The following HECW1 variants were observed in gnomAD, a reference collection of about 807,000 sequenced individuals.
HECW1 encodes the protein HECT, C2 and WW domain containing E3 ubiquitin protein ligase 1.
Under a neutral mutation model 182.3 loss-of-function variants are expected in HECW1, and 61 were observed. The observed-to-expected ratio is 0.33, with a 90% confidence interval of 0.27 to 0.41. HECW1 has a LOEUF of 0.41. HECW1 is among the 10% of genes least tolerant of loss of function. The probability of loss-of-function intolerance (pLI) is 1.00; values close to 1 mark genes in which losing one functional copy is unlikely to be tolerated. For synonymous variants in HECW1, 859 were observed against 832.6 expected, an observed-to-expected ratio of 1.03 and a Z score of -0.55; for missense variants, 1,739 against 2,108.9, an observed-to-expected ratio of 0.82 and a Z score of 3.44.
intron 29 of HECW1, among the ~76,000 whole-genome samples, chr7:43,560,221 G>A (rs528361129): frequency 6.6e-6 from 1 of 152,268 alleles, no homozygotes; most frequent in Non-Finnish European, 1.5e-5. Flanking sequence ...AGAAATCACT[G>A]TAACCATCCT....
intron 8 of HECW1, among the ~76,000 whole-genome samples, chr7:43,433,742 A>T (rs950180818): frequency 1.6e-4 from 24 of 152,212 alleles, no homozygotes; most frequent in Non-Finnish European, 1.5e-5. Context: ...TGACCTATGG[A>T]ACTTTCTTTT....
At chr7:43,180,304 G>A (rs957884102) in intron 2 of HECW1, among the ~76,000 whole-genome samples, 1 of 121,638 alleles carries the variant, frequency 8.2e-6, no homozygotes, top group Admixed American at 7.9e-5. Context: ...ATGGTTGGAG[G>A]GTGCACAAAA....
intron 26 of HECW1, among the ~76,000 whole-genome samples, chr7:43,548,030 C>T (rs189988689): frequency 2.6e-4 from 39 of 152,350 alleles, no homozygotes; most frequent in Non-Finnish European, 4.6e-4. Flanking sequence ...GTATGTACTA[C>T]AGTTAATTTT....
At chr7:43,169,685 C>G (rs946988007) in intron 2 of HECW1, among the ~76,000 whole-genome samples, 17 of 131,700 alleles carry the variant, frequency 1.3e-4, no homozygotes, top group Middle Eastern at 4.1e-3. Flanking sequence ...ATCTTTTTTT[C>G]TTTTCTTTTT....
chr7:43,140,849 G>A (rs186427388), intron 2 of HECW1, among the ~76,000 whole-genome samples: 45 of 152,232 alleles, frequency 3.0e-4, no homozygotes, highest in Admixed American at 2.3e-3. Context: ...CTGGCTTCCC[G>A]GTGGCCACCA....
At chr7:43,307,658 T>C (rs1357926147) in intron 3 of HECW1, among the ~76,000 whole-genome samples, 1 of 152,106 alleles carries the variant, frequency 6.6e-6, no homozygotes, top group Admixed American at 6.6e-5. Context: ...GATGAGTCTA[T>C]AGTATATGCT....
intron 3 of HECW1, among the ~76,000 whole-genome samples, chr7:43,292,179 T>C (rs957276042): frequency 3.2e-4 from 48 of 152,246 alleles, no homozygotes; most frequent in Non-Finnish European, 1.0e-4. Context: ...CAAAGAGGCA[T>C]ATTTTGGGGT....
intron 3 of HECW1, among the ~76,000 whole-genome samples, chr7:43,250,141 A>T (rs1417722546): frequency 6.6e-6 from 1 of 151,336 alleles, no homozygotes; most frequent in African/African-American, 2.4e-5. Context: ...ACACGCGCAC[A>T]CACACATACA....
In HECW1 at chr7:43,554,719, A is replaced by T; in HGVS notation, c.4638A>T (p.Ala1546=). 1 of 1,614,156 alleles carries T rather than the reference A, an allele frequency of 6.2e-7. No homozygotes were observed. Among genetic ancestry groups the T allele is most frequent in the Non-Finnish European group, 8.5e-7 (1 of 1,180,014 alleles). The part of the protein sequence containing the change: ...GTSSVPYEGF[A]ALRGSNGLRR... ...CCAGCGTGCCCTACGAAGGCTTCGC[A>T]GCCCTCCGTGGGAGCAATGGGCTTC... is the stretch of plus-strand genomic sequence containing the variant. Residue 1546 remains alanine (A), a synonymous_variant, in exon 29 of 30, where the codon GCA becomes GCT. Transcript: ENST00000395891.
At position 43,298,908 on chromosome 7, in the gene HECW1, G is replaced by A. The variant is rs370334619; in HGVS notation, c.28-12855G>A. Reference sequence around the variant, plus strand: ...CGCACTTTAATCTCTGCTGTTTTCCGCATACAAGGTAAAAAATGGAAAATT... The same window carrying A: ...CGCACTTTAATCTCTGCTGTTTTCCACATACAAGGTAAAAAATGGAAAATT... On this transcript the variant is annotated intron_variant, in intron 3 of 29. Coordinates refer to ENST00000395891, the MANE Select transcript of HECW1 (RefSeq NM_015052.5). 5.3e-5 allele frequency among the ~76,000 whole-genome samples: 8 copies of A among 152,214 alleles called. No homozygotes were observed. In the South Asian group the frequency reaches 1.2e-3, roughly 24 times the overall value.
intron 2 of HECW1, among the ~76,000 whole-genome samples, chr7:43,136,898 A>G (rs1346947505): frequency 1.3e-5 from 2 of 152,166 alleles, no homozygotes; most frequent in Non-Finnish European, 2.9e-5. Flanking sequence ...CACTGTTTTC[A>G]AGGCATTTCA....
intron 2 of HECW1, among the ~76,000 whole-genome samples, chr7:43,235,873 C>G (rs1296958822): frequency 6.6e-6 from 1 of 152,120 alleles, no homozygotes; most frequent in African/African-American, 2.4e-5. Flanking sequence ...AATGCAAGCA[C>G]AGCTAAGAGA....
In HECW1 at chr7:43,541,937, A is replaced by G; in HGVS notation, c.4187A>G (p.Asp1396Gly). The change falls in exon 26 of 30, where the codon GAC becomes GGC. Residue 1396 changes from aspartate (D) to glycine (G), a missense_variant. By Grantham distance (94) the Asp-to-Gly change is moderately conservative (BLOSUM62 -1). Around this residue, in one of 5 missense-constraint regions of HECW1, gnomAD observed 420 missense variants for 595.7 expected, o/e 0.71. Coordinates refer to ENST00000395891, the MANE Select transcript of HECW1 (RefSeq NM_015052.5). ...EFHQSLQWMK[D>G]NNITDILDLT... ...CACCAGAGTTTGCAGTGGATGAAGG[A>G]CAACAACATCACAGACATCTTAGAC... 1 of 1,563,432 alleles carries G rather than the reference A, an allele frequency of 6.4e-7. No homozygotes were observed. The highest frequency in any genetic ancestry group is 8.7e-7 in the Non-Finnish European group (1 of 1,154,606).
intron 17 of HECW1, among the ~76,000 whole-genome samples, chr7:43,490,723 A>G (rs1463325011): frequency 6.6e-6 from 1 of 152,126 alleles, no homozygotes; most frequent in Non-Finnish European, 1.5e-5. Flanking sequence ...TTTAATTTAC[A>G]AAATTTAAAA....
intron 3 of HECW1, among the ~76,000 whole-genome samples, chr7:43,266,109 G>T (rs942862185): frequency 3.9e-5 from 6 of 152,084 alleles, no homozygotes; most frequent in Non-Finnish European, 8.8e-5. Context: ...TTGATTGTTG[G>T]ATCAGTCTCT....
intron 4 of HECW1, among the ~76,000 whole-genome samples, chr7:43,317,192 A>G (rs6968910): frequency 0.53 from 80,909 of 151,970 alleles, 24,719 homozygotes; most frequent in African/African-American, 0.86. Context: ...CTGCAGCAGC[A>G]TCCTGTGTCT....
chr7:43,562,301 G>A lies in HECW1; in HGVS notation c.*375G>A, dbSNP rs901783364. On this transcript the variant is annotated 3_prime_UTR_variant, in exon 30 of 30. Transcript: ENST00000395891. ...ATTTCTATCATTGAAGGGAAAATGTGAGCATTAAGCACTCCAGGCTTTCAT... is the reference window on the plus strand; with the variant it reads ...ATTTCTATCATTGAAGGGAAAATGTAAGCATTAAGCACTCCAGGCTTTCAT... The A allele has an allele frequency of 8.1e-6, 2 of 246,508 alleles. No individual in the cohort carries two copies. The highest frequency in any genetic ancestry group is 2.2e-5 in the African/African-American group (1 of 45,482). 15.3% of individuals were successfully genotyped at this position (246,508 alleles called of 1,614,324 possible).
At chr7:43,187,451 C>T (rs555609742) in intron 2 of HECW1, among the ~76,000 whole-genome samples, 9 of 152,118 alleles carry the variant, frequency 5.9e-5, no homozygotes, top group East Asian at 1.9e-4. Context: ...TATTTTGATT[C>T]GTGCTTTCAA....
chr7:43,150,063 T>C (rs1232616356), intron 2 of HECW1, among the ~76,000 whole-genome samples: 2 of 152,206 alleles, frequency 1.3e-5, no homozygotes, highest in East Asian at 1.9e-4. Context: ...TTAAAAATGA[T>C]GATAACTAAC....
Sources: allele counts gnomAD v4.1 joint callset (sites outside exome capture counted in the v4.1 genomes callset), GRCh38; gene constraint gnomAD v4.1.1; regional missense constraint gnomAD v4.1.1; transcripts MANE v1.5; gene names NCBI Gene and HGNC (gene_info 2026-07-23, HGNC 2026-07-21).